The following TBC1D14 variants were observed in gnomAD, a reference collection of about 807,000 sequenced individuals.
The protein encoded by TBC1D14 is TBC1 domain family member 14, also known as TBC1 domain family, member 14.
In TBC1D14, 26 loss-of-function variants were observed where a neutral mutation model predicts 79.0. That is an observed-to-expected ratio of 0.33 (90% CI 0.24 to 0.46). TBC1D14 has a LOEUF of 0.46. Ranked by LOEUF, TBC1D14 falls within the 20% of genes least tolerant of loss-of-function variation. The pLI, the probability that TBC1D14 is intolerant of heterozygous loss-of-function variation, is 1.00. For synonymous variants in TBC1D14, 394 were observed against 349.9 expected (o/e 1.13, Z -1.40); for missense variants, 769 against 887.6 (o/e 0.87, Z 1.70).
intron 9 of TBC1D14, among the ~76,000 whole-genome samples, chr4:7,009,359 T>A (rs1276972030): frequency 6.6e-6 from 1 of 152,204 alleles, no homozygotes; most frequent in Non-Finnish European, 1.5e-5. Context: ...GCTGGGAGAA[T>A]GTTTAAACAA....
At chr4:6,958,376 T>TACACACACACACACACAC (rs60999179) in intron 2 of TBC1D14, among the ~76,000 whole-genome samples, 234 of 149,194 alleles carry the variant, frequency 1.6e-3, no homozygotes, top group African/African-American at 5.1e-3. Flanking sequence ...TCCCCACATA[T>TACACACACACACACACAC]ACACACACAC....
chr4:6,960,348 T>A (rs533675496), intron 2 of TBC1D14, among the ~76,000 whole-genome samples: 13 of 151,176 alleles, frequency 8.6e-5, no homozygotes, highest in South Asian at 8.5e-4. Context: ...CACCCCTGCC[T>A]CCCAACATGC....
At position 6,967,415 on chromosome 4, in the gene TBC1D14, A is replaced by T; in HGVS notation, c.834A>T (p.Arg278Ser). 6.2e-7 allele frequency: 1 copy of T among 1,613,580 alleles called. No homozygotes were observed. Among genetic ancestry groups the T allele is most frequent in the South Asian group, 1.1e-5 (1 of 91,056 alleles). Residue 278 changes from arginine to serine, a missense_variant, in exon 3 of 14, where the codon AGA becomes AGT. By Grantham distance (110) the Arg-to-Ser change is moderately radical. Transcript: ENST00000409757. The stretch of plus-strand genomic sequence containing the variant: ...AGAATGCCCAGAAGGATTCAAAGAG[A>T]ATACAGAAGGTACACAAGATACAAA... ...LRENAQKDSK[R>S]IQKEYEDKAG...
chr4:6,911,722 T>A (rs13118486), intron 1 of TBC1D14, among the ~76,000 whole-genome samples: 3 of 152,084 alleles, frequency 2.0e-5, no homozygotes, highest in Non-Finnish European at 4.4e-5. Context: ...ATAGAAGGCC[T>A]CTCTCAAAGT....
At chr4:6,917,507 C>G (rs1349169685) in intron 1 of TBC1D14, among the ~76,000 whole-genome samples, 1 of 152,028 alleles carries the variant, frequency 6.6e-6, no homozygotes, top group Admixed American at 6.6e-5. Context: ...CTCCTTGTGC[C>G]ACACCCTACT....
At chr4:6,954,416 C>G in intron 2 of TBC1D14, 1 of 717,082 alleles carries the variant, frequency 1.4e-6, no homozygotes, top group Non-Finnish European at 2.6e-6. Context: ...CTGCGTGTAG[C>G]TTTGACAGCA....
intron 11 of TBC1D14, among the ~76,000 whole-genome samples, chr4:7,012,871 G>C (rs1720910402): frequency 6.6e-6 from 1 of 152,196 alleles, no homozygotes; most frequent in South Asian, 2.1e-4. Context: ...AAATCTTGAG[G>C]AAGCGTTCTT....
chr4:6,919,207 C>G (rs1031046135), intron 1 of TBC1D14, among the ~76,000 whole-genome samples: 9 of 151,378 alleles, frequency 5.9e-5, no homozygotes, highest in African/African-American at 2.2e-4. Context: ...AGTGCAGTGG[C>G]ATCATTTCAG....
intron 12 of TBC1D14, among the ~76,000 whole-genome samples, chr4:7,021,897 G>A (rs1721873046): frequency 6.6e-6 from 1 of 152,170 alleles, no homozygotes. Context: ...AGGGGAAGGT[G>A]GACCTTGAAC....
chr4:6,989,326 T>A (rs749379078), intron 3 of TBC1D14, among the ~76,000 whole-genome samples: 2 of 152,124 alleles, frequency 1.3e-5, no homozygotes, highest in Non-Finnish European at 2.9e-5. Flanking sequence ...TGTTGAGACC[T>A]TCAAATCTAG....
intron 2 of TBC1D14, among the ~76,000 whole-genome samples, chr4:6,930,165 G>T (rs574365186): frequency 6.6e-6 from 1 of 152,214 alleles, no homozygotes; most frequent in Non-Finnish European, 1.5e-5. Flanking sequence ...AGCCGGGTCA[G>T]GGTCTAGCTG....
intron 2 of TBC1D14, among the ~76,000 whole-genome samples, chr4:6,946,585 T>G (rs973154737): frequency 6.6e-6 from 1 of 152,182 alleles, no homozygotes; most frequent in African/African-American, 2.4e-5. Flanking sequence ...CCTTCCAAAG[T>G]GCTGGGATTA....
rs943828764 is a variant in TBC1D14, at chr4:6,919,765, C to T, written c.-17-3608C>T. ...CCTCCTGAGTAGCTAGGATTACAGG[C>T]GTGCGCCACCATGCCCAGCTAATTT... On this transcript the variant is annotated intron_variant, in intron 1 of 13. Coordinates refer to ENST00000409757, the MANE Select transcript of TBC1D14 (RefSeq NM_020773.3). 7.2e-5 allele frequency among the ~76,000 whole-genome samples: 11 copies of T among 152,158 alleles called. No homozygotes were observed. The South Asian group carries it at 1.5e-3, about 20-fold the overall frequency.
chr4:6,990,842 G>A (rs1207096986), intron 3 of TBC1D14, among the ~76,000 whole-genome samples: 1 of 152,222 alleles, frequency 6.6e-6, no homozygotes, highest in African/African-American at 2.4e-5. Flanking sequence ...TACTTCCAGA[G>A]CCTTATCCCT....
At chr4:6,987,264 G>C in intron 3 of TBC1D14, 1 of 1,299,548 alleles carries the variant, frequency 7.7e-7, no homozygotes, top group Non-Finnish European at 9.8e-7. Context: ...CCCGCCCGCG[G>C]TCCGGGAGGG....
chr4:7,011,507 G>A (rs911901746), intron 11 of TBC1D14, among the ~76,000 whole-genome samples: 3 of 152,210 alleles, frequency 2.0e-5, no homozygotes, highest in Middle Eastern at 3.4e-3. Flanking sequence ...CTGTAGCATA[G>A]AAGTCACTCA....
chr4:6,915,999 G>A (rs1392132320), intron 1 of TBC1D14, among the ~76,000 whole-genome samples: 5 of 151,814 alleles, frequency 3.3e-5, no homozygotes, highest in Admixed American at 1.3e-4. Context: ...GGTGGCGGGC[G>A]CCTGTAATCC....
At position 7,014,409 on chromosome 4, in the gene TBC1D14, G is replaced by A. The variant is rs189905218; in HGVS notation, c.1648-39G>A. 48 of 1,386,678 alleles carry A rather than the reference G, an allele frequency of 3.5e-5. No homozygotes were observed. In the African/African-American group the frequency reaches 5.3e-4, roughly 15 times the overall value. 85.9% of individuals were successfully genotyped at this position (1,386,678 alleles called of 1,614,324 possible). ...ACTTTTTTGTAAATTGAAAACTTGT[G>A]CAGATAGTTTCTGAGTAAATTTCAT... On this transcript the variant is annotated intron_variant, in intron 11 of 13. Transcript: ENST00000409757.
chr4:6,933,554 C>A (rs879432668), intron 2 of TBC1D14, among the ~76,000 whole-genome samples: 2 of 151,886 alleles, frequency 1.3e-5, no homozygotes, highest in African/African-American at 2.4e-5. Context: ...GATCCTCCTG[C>A]CTTGGCTTCC....
Sources: allele counts gnomAD v4.1 joint callset (sites outside exome capture counted in the v4.1 genomes callset), GRCh38; gene constraint gnomAD v4.1.1; transcripts MANE v1.5; gene names NCBI Gene and HGNC (gene_info 2026-07-23, HGNC 2026-07-21).